Variants in C1QL3 observed in about 807,000 individuals in gnomAD.
C1QL3 encodes the protein complement C1q like 3, also known as complement C1q-like protein 3.
In C1QL3, 4 loss-of-function variants were observed where a neutral mutation model predicts 16.6. The observed-to-expected ratio is 0.24, with a 90% CI of 0.12 to 0.55. The LOEUF is 0.55. C1QL3 is among the 20% of genes least tolerant of loss of function. C1QL3 has a pLI of 0.94. For synonymous variants in C1QL3, 189 were observed against 160.2 expected (o/e 1.18, Z -1.36); for missense variants, 269 against 365.6 (o/e 0.74, Z 2.16).
In C1QL3 at chr10:16,521,069, C is replaced by T. The variant is rs1172464539; in HGVS notation, c.-4G>A. 1 of 1,595,110 alleles carries T rather than the reference C, an allele frequency of 6.3e-7. No individual in the cohort carries two copies. ...GGATCACCAGCAGCAGCACCATCAC[C>T]ACCCCCAGCGCCCCGGCGGCGATCA... On this transcript the variant is annotated 5_prime_UTR_variant, in exon 1 of 2. Coordinates refer to ENST00000298943, the MANE Select transcript of C1QL3 (RefSeq NM_001010908.2).
Position 16,520,662 on chromosome 10 carries a change from C to A in C1QL3, c.404G>T (p.Arg135Leu). The A allele has an allele frequency of 6.2e-7, 1 of 1,609,834 alleles. No individual in the cohort carries two copies. Among genetic ancestry groups the A allele is most frequent in the Middle Eastern group, 1.7e-4 (1 of 6,048 alleles). The change falls in exon 1 of 2, where the codon CGG becomes CTG. Residue 135 changes from arginine (R) to leucine (L), a missense_variant. Transcript: ENST00000298943. The surrounding 1 kb of genome is among the most constrained non-coding windows in gnomAD (Gnocchi z 8.3). ...PKIAFYAGLK[R>L]QHEGYEVLKF... ...GAGCACCTCGTAGCCTTCATGCTGCCGCTTGAGGCCGGCGTAGAAGGCGAT... is the reference window on the plus strand; with the variant it reads ...GAGCACCTCGTAGCCTTCATGCTGCAGCTTGAGGCCGGCGTAGAAGGCGAT...
At position 16,520,919 on chromosome 10, in the gene C1QL3, G is replaced by T. The variant is rs772227170; in HGVS notation, c.147C>A (p.Arg49=). 1 of 1,561,558 alleles carries T rather than the reference G, an allele frequency of 6.4e-7. No individual in the cohort carries two copies. Among genetic ancestry groups the T allele is most frequent in the South Asian group, 1.2e-5 (1 of 86,158 alleles). ...AGGTGGGCAGGGACTGCATGAGGCCGCGGTCGGGCGTGGCAGCGGTGCTGG... is the reference window on the plus strand; with the variant it reads ...AGGTGGGCAGGGACTGCATGAGGCCTCGGTCGGGCGTGGCAGCGGTGCTGG... ...KAPSTAATPD[R]GLMQSLPTFI... is the part of the protein sequence containing the mutation. Residue 49 remains arginine, a synonymous_variant, in exon 1 of 2, where the codon CGC becomes CGA. Coordinates refer to ENST00000298943, the MANE Select transcript of C1QL3 (RefSeq NM_001010908.2). The surrounding 1 kb of genome is among the most constrained non-coding windows in gnomAD (Gnocchi z 8.3).
rs1837049713 is a variant in C1QL3 at position 16,521,859 on chromosome 10, C to T, written c.-794G>A. The T allele has an allele frequency of 6.5e-6, 1 of 152,746 alleles. No homozygotes were observed. Among genetic ancestry groups the T allele is most frequent in the South Asian group, 2.1e-4 (1 of 4,830 alleles). 9.5% of individuals were successfully genotyped at this position (152,746 alleles called of 1,614,324 possible). A position where few individuals can be genotyped will look rare whatever the true frequency, so the allele number is the denominator to read the frequency against. ...TGAAGGCAGAATTCTGCCTGGGTAC[C>T]ACCTGCCAGGAGAAGAGGAGGCTGA... On this transcript the variant is annotated 5_prime_UTR_variant, in exon 1 of 2. Transcript: ENST00000298943.
rs1837039089 is a variant in C1QL3 at position 16,521,283 on chromosome 10, C to T, written c.-218G>A. 2 of 506,812 alleles carry T rather than the reference C, an allele frequency of 3.9e-6. No homozygotes were observed. The highest frequency in any genetic ancestry group is 6.9e-6 in the Non-Finnish European group (2 of 290,544). The allele number at this position is 506,812 out of a possible 1,614,324, so 31.4% of individuals were successfully genotyped here. On this transcript the variant is annotated 5_prime_UTR_variant, in exon 1 of 2. Coordinates refer to ENST00000298943, the MANE Select transcript of C1QL3 (RefSeq NM_001010908.2). The stretch of plus-strand genomic sequence containing the variant: ...CCTGCTCCCCCCGCGGAGGCTGCGG[C>T]TGGGGAGGGAGCGCGGGCGCCCAGT...
intron 1 of C1QL3, among the ~76,000 whole-genome samples, chr10:16,519,611 C>T (rs1023660710): frequency 6.6e-6 from 1 of 152,090 alleles, no homozygotes; most frequent in African/African-American, 2.4e-5. Flanking sequence ...CCATGCGTAG[C>T]CCTTGTAGCG....
rs986474481 is a variant in C1QL3, at chr10:16,514,207, T to TAC, written c.*320_*321insGT. On this transcript the variant is annotated 3_prime_UTR_variant, in exon 2 of 2. Coordinates refer to ENST00000298943, the MANE Select transcript of C1QL3 (RefSeq NM_001010908.2). ...AAGATCACAGTACACCAAAGTATCA[T>TAC]ATATATAGAAGAAATAATTCAATGT... 1 of 424,922 alleles carries TAC rather than the reference T, an allele frequency of 2.4e-6. No individual in the cohort carries two copies. Among genetic ancestry groups the TAC allele is most frequent in the South Asian group, 9.1e-5 (1 of 10,974 alleles). 26.3% of individuals were successfully genotyped at this position (424,922 alleles called of 1,614,324 possible).
At chr10:16,519,139 A>AATTTTTTTTTTTTTTTTT (rs1385047282) in intron 1 of C1QL3, among the ~76,000 whole-genome samples, 1 of 26,134 alleles carries the variant, frequency 3.8e-5, no homozygotes, top group African/African-American at 3.2e-4. Flanking sequence ...CGCATTTAGG[A>AATTTTTTTTTTTTTTTTT]CTTTTTTTTT....
At chr10:16,519,001 TAAAC>T (rs1588641694) in intron 1 of C1QL3, among the ~76,000 whole-genome samples, 1 of 152,114 alleles carries the variant, frequency 6.6e-6, no homozygotes, top group Non-Finnish European at 1.5e-5. Flanking sequence ...ATAACTATAA[TAAAC>T]AACCCTGTCA....
rs754614141 is a variant in C1QL3, at chr10:16,520,663, G to T, written c.403C>A (p.Arg135=). 17 of 1,609,738 alleles carry T rather than the reference G, an allele frequency of 1.1e-5. No homozygotes were observed. Among genetic ancestry groups the T allele is most frequent in the Non-Finnish European group, 1.4e-5 (16 of 1,178,160 alleles). The change falls in exon 1 of 2, where the codon CGG becomes AGG. Residue 135 remains arginine, a synonymous_variant. Coordinates refer to ENST00000298943, the MANE Select transcript of C1QL3 (RefSeq NM_001010908.2). This position sits in a 1 kb window ranked among gnomAD's most constrained non-coding sequence, Gnocchi z 8.3. ...PKIAFYAGLK[R]QHEGYEVLKF... ...AGCACCTCGTAGCCTTCATGCTGCCGCTTGAGGCCGGCGTAGAAGGCGATC... is the reference window on the plus strand; with the variant it reads ...AGCACCTCGTAGCCTTCATGCTGCCTCTTGAGGCCGGCGTAGAAGGCGATC...
intron 1 of C1QL3, 145 bp from the exon 2 acceptor site, chr10:16,514,852 G>A: frequency 3.1e-6 from 2 of 637,374 alleles, no homozygotes; most frequent in Admixed American, 3.0e-5. Context: ...AGAGCTTTAT[G>A]AGGATAGTGC....
chr10:16,520,336 C>G lies in C1QL3; in HGVS notation c.588+142G>C. On this transcript the variant is annotated intron_variant, in intron 1 of 1. Coordinates refer to ENST00000298943, the MANE Select transcript of C1QL3 (RefSeq NM_001010908.2). This position sits in a 1 kb window ranked among gnomAD's most constrained non-coding sequence, Gnocchi z 8.3. Reference sequence around the variant, plus strand: ...CCGCCTCTCCAGGGTGGGACGGCGTCCCCCCTTGCCGTCGCTCCAGGGAGC... The same window carrying G: ...CCGCCTCTCCAGGGTGGGACGGCGTGCCCCCTTGCCGTCGCTCCAGGGAGC... 1 of 640,630 alleles carries G rather than the reference C, an allele frequency of 1.6e-6. No individual in the cohort carries two copies. Among genetic ancestry groups the G allele is most frequent in the Non-Finnish European group, 2.6e-6 (1 of 386,986 alleles). 39.7% of individuals were successfully genotyped at this position (640,630 alleles called of 1,614,324 possible).
At position 16,514,430 on chromosome 10, in the gene C1QL3, G is replaced by A; in HGVS notation, c.*98C>T. 1 of 937,324 alleles carries A rather than the reference G, an allele frequency of 1.1e-6. No individual in the cohort carries two copies. Among genetic ancestry groups the A allele is most frequent in the Non-Finnish European group, 1.7e-6 (1 of 598,846 alleles). 58.1% of individuals were successfully genotyped at this position (937,324 alleles called of 1,614,324 possible). A position where few individuals can be genotyped will look rare whatever the true frequency, so the allele number is the denominator to read the frequency against. The stretch of plus-strand genomic sequence containing the variant: ...TTCCCCACATATACACAACTGAGGT[G>A]CCCTGCCATTGGCATCCCCTGGGAT... On this transcript the variant is annotated 3_prime_UTR_variant, in exon 2 of 2. Coordinates refer to ENST00000298943, the MANE Select transcript of C1QL3 (RefSeq NM_001010908.2).
At chr10:16,519,526 G>C (rs908048118) in intron 1 of C1QL3, among the ~76,000 whole-genome samples, 1 of 152,122 alleles carries the variant, frequency 6.6e-6, no homozygotes, top group African/African-American at 2.4e-5. Flanking sequence ...TTGACTAAGA[G>C]ATCAAACAAG....
At position 16,520,366 on chromosome 10, in the gene C1QL3, C is replaced by T. The variant is rs990100660; in HGVS notation, c.588+112G>A. The T allele has an allele frequency of 1.2e-6, 1 of 847,354 alleles. No homozygotes were observed. Among genetic ancestry groups the T allele is most frequent in the East Asian group, 3.0e-5 (1 of 33,792 alleles). 52.5% of individuals were successfully genotyped at this position (847,354 alleles called of 1,614,324 possible). A position where few individuals can be genotyped will look rare whatever the true frequency, so the allele number is the denominator to read the frequency against. ...CTTGCCGTCGCTCCAGGGAGCCCGG[C>T]CGCCGCGCCCTTCCTCCGCGGGCTC... On this transcript the variant is annotated intron_variant, in intron 1 of 1. Coordinates refer to ENST00000298943, the MANE Select transcript of C1QL3 (RefSeq NM_001010908.2). The surrounding 1 kb of genome is among the most constrained non-coding windows in gnomAD (Gnocchi z 8.3).
chr10:16,514,568 T>G lies in C1QL3; in HGVS notation c.728A>C (p.Lys243Thr). The G allele has an allele frequency of 6.2e-7, 1 of 1,613,884 alleles. No individual in the cohort carries two copies. The highest frequency in any genetic ancestry group is 8.5e-7 in the Non-Finnish European group (1 of 1,179,806). Residue 243 changes from lysine (K) to threonine (T), a missense_variant, in exon 2 of 2, where the codon AAA becomes ACA. Transcript: ENST00000298943. Reference protein sequence around the residue: ...GGKAHGGNNNKYSTFSGFIIY... With the variant: ...GGKAHGGNNNTYSTFSGFIIY... ...AATAAATCCAGAAAACGTGCTGTATTTGTTGTTGTTTCCTCCATGGGCTTT... is the reference window on the plus strand; with the variant it reads ...AATAAATCCAGAAAACGTGCTGTATGTGTTGTTGTTTCCTCCATGGGCTTT...
At chr10:16,516,611 A>G (rs1836955257) in intron 1 of C1QL3, among the ~76,000 whole-genome samples, 1 of 152,196 alleles carries the variant, frequency 6.6e-6, no homozygotes, top group South Asian at 2.1e-4. Flanking sequence ...CTGGGCTTTA[A>G]CATGGTTTTC....
At chr10:16,519,287 C>T (rs1229337795) in intron 1 of C1QL3, among the ~76,000 whole-genome samples, 1 of 151,268 alleles carries the variant, frequency 6.6e-6, no homozygotes, top group Non-Finnish European at 1.5e-5. Context: ...TACCTAAAGC[C>T]CAATAGACCT....
Position 16,520,583 on chromosome 10 carries a change from G to C in C1QL3, c.483C>G (p.Gly161=). The C allele has an allele frequency of 6.2e-7, 1 of 1,613,780 alleles. No individual in the cohort carries two copies. Among genetic ancestry groups the C allele is most frequent in the East Asian group, 2.2e-5 (1 of 44,828 alleles). ...NLGNHYDPTT[G]KFTCSIPGIY... ...TGCCCGGGATGGAGCAGGTGAACTT[G>C]CCGGTGGTGGGGTCGTAGTGGTTTC... The change falls in exon 1 of 2, where the codon GGC becomes GGG. Residue 161 remains glycine (G), a synonymous_variant. Transcript: ENST00000298943. The surrounding 1 kb of genome is among the most constrained non-coding windows in gnomAD (Gnocchi z 8.3).
At chr10:16,519,699 C>T (rs557999094) in intron 1 of C1QL3, among the ~76,000 whole-genome samples, 2 of 152,250 alleles carry the variant, frequency 1.3e-5, no homozygotes, top group South Asian at 2.1e-4. Context: ...GGGCTCGAAC[C>T]GGTCGCCCCC....
Sources: allele counts gnomAD v4.1 joint callset (sites outside exome capture counted in the v4.1 genomes callset), GRCh38; gene constraint gnomAD v4.1.1; non-coding constraint Gnocchi (gnomAD v3.1); transcripts MANE v1.5; gene names NCBI Gene and HGNC (gene_info 2026-07-23, HGNC 2026-07-21).